Variants in SLC4A4 observed in about 807,000 individuals in gnomAD.
SLC4A4 encodes the protein electrogenic sodium bicarbonate cotransporter 1.
In SLC4A4, 27 loss-of-function variants were observed where a neutral mutation model predicts 111.5. The observed-to-expected ratio is 0.24, with a 90% CI of 0.18 to 0.33. The LOEUF (loss-of-function observed/expected upper bound fraction) is 0.33. Among genes scored for constraint, SLC4A4 ranks in the 10% least tolerant of loss-of-function variants. The pLI is 1.00. For synonymous variants in SLC4A4, 443 were observed against 463.4 expected, an observed-to-expected ratio of 0.96 and a Z score of 0.57; for missense variants, 909 against 1,315.5, an observed-to-expected ratio of 0.69 and a Z score of 4.78.
intron 6 of SLC4A4, among the ~76,000 whole-genome samples, chr4:71,382,440 A>C (rs946845043): frequency 1.3e-5 from 2 of 152,214 alleles, no homozygotes; most frequent in African/African-American, 4.8e-5. Context: ...GAAGCTATAC[A>C]TATTTAAGTG....
At chr4:71,209,646 T>C (rs2149010739) in intron 1 of SLC4A4, among the ~76,000 whole-genome samples, 1 of 152,322 alleles carries the variant, frequency 6.6e-6, no homozygotes, top group Middle Eastern at 3.4e-3. Flanking sequence ...TCAATTGGAC[T>C]CAAATTGCTC....
rs138140477 is a variant in SLC4A4 at position 71,108,878 on chromosome 4, T to C, written c.-2+16086T>C. Among the ~76,000 whole-genome samples the C allele has an allele frequency of 7.4e-3, 1,132 of 152,288 alleles. 7 individuals carry two copies. The highest frequency in any genetic ancestry group is 0.015 in the Admixed American group (233 of 15,292). The stretch of plus-strand genomic sequence containing the variant: ...TTATTGGTATTTCAATCTGTTCAGA[T>C]ATTGTTTTCTTGAATTTCTCCATGT... On this transcript the variant is annotated intron_variant, in intron 2 of 26. Coordinates refer to the SLC4A4 transcript ENST00000649996.
At chr4:71,192,911 A>C (rs901883064) in intron 1 of SLC4A4, among the ~76,000 whole-genome samples, 5 of 152,026 alleles carry the variant, frequency 3.3e-5, no homozygotes, top group Non-Finnish European at 7.4e-5. Context: ...GGTTACTTTC[A>C]CCTCTCATTG....
At chr4:71,169,153 G>A (rs1230650037) in intron 2 of SLC4A4, among the ~76,000 whole-genome samples, 1 of 151,838 alleles carries the variant, frequency 6.6e-6, no homozygotes, top group African/African-American at 2.4e-5. Context: ...GGGATTACAG[G>A]CATGTGCCAC....
intron 18 of SLC4A4, among the ~76,000 whole-genome samples, chr4:71,539,864 T>G (rs1214167812): frequency 6.6e-6 from 1 of 152,160 alleles, no homozygotes; most frequent in Non-Finnish European, 1.5e-5. Context: ...TTTATTCTCT[T>G]TGGCCCACAT....
intron 3 of SLC4A4, among the ~76,000 whole-genome samples, chr4:71,320,103 T>C (rs924292733): frequency 2.6e-5 from 4 of 151,992 alleles, no homozygotes; most frequent in African/African-American, 9.7e-5. Context: ...TTATGTGAAT[T>C]CTCCTAAAAC....
In SLC4A4 at chr4:71,366,505, C is replaced by T. The variant is rs376854120; in HGVS notation, c.730+9318C>T. Among the ~76,000 whole-genome samples the T allele has an allele frequency of 2.0e-5, 3 of 152,060 alleles. No homozygotes were observed. In the East Asian group the frequency reaches 5.8e-4, roughly 29 times the overall value. ...TTTCTACAGTCTAAATATTGGATAC[C>T]ATCACTCAAAAGCCTTCGGAGCTAT... On this transcript the variant is annotated intron_variant, in intron 6 of 25. Transcript: ENST00000264485.
rs761331086 is a variant in SLC4A4, at chr4:71,311,890, T to TGAGAGAGAGAGAGAGAGAGA, written c.254-27455_254-27436dup. Reference sequence around the variant, plus strand: ...GAGCCTGAGCAAATGTGCAAGGCTGTGAGAGAGAGAGAGAGAGAGAGAGAG... The same window carrying TGAGAGAGAGAGAGAGAGAGA: ...GAGCCTGAGCAAATGTGCAAGGCTGTGAGAGAGAGAGAGAGAGAGAGAGAGAGAGAGAGAGAGAGAGAGAG... On this transcript the variant is annotated intron_variant, in intron 3 of 25. Transcript: ENST00000264485. 3.4e-4 allele frequency among the ~76,000 whole-genome samples: 26 copies of TGAGAGAGAGAGAGAGAGAGA among 76,596 alleles called. 3 individuals carry two copies. Among genetic ancestry groups the TGAGAGAGAGAGAGAGAGAGA allele is most frequent in the African/African-American group, 7.5e-4 (16 of 21,300 alleles). 50.2% of individuals were successfully genotyped at this position (76,596 alleles called of 152,430 possible).
At chr4:71,340,057 A>T (rs1728765879) in intron 4 of SLC4A4, among the ~76,000 whole-genome samples, 1 of 151,902 alleles carries the variant, frequency 6.6e-6, no homozygotes, top group South Asian at 2.1e-4. Context: ...TCTCTACAAA[A>T]AAAAAAAGAA....
At position 71,190,244 on chromosome 4, in the gene SLC4A4, G is replaced by A. The variant is rs80316987; in HGVS notation, c.-2+2843G>A. ...CTCCCAATATATAAACTCTTGATAC[G>A]TTTGGGTCACAAAAATGGAAAATAT... On this transcript the variant is annotated intron_variant, in intron 1 of 25. Transcript: ENST00000264485. Among the ~76,000 whole-genome samples, 588 of 152,198 alleles carry A rather than the reference G, an allele frequency of 3.9e-3. 5 individuals carry two copies. The highest frequency in any genetic ancestry group is 0.013 in the African/African-American group (559 of 41,526).
chr4:71,179,228 A>G (rs1247030948), intron 2 of SLC4A4, among the ~76,000 whole-genome samples: 1 of 152,188 alleles, frequency 6.6e-6, no homozygotes, highest in Middle Eastern at 3.2e-3. Flanking sequence ...GCTATCTATG[A>G]CAAACCCACA....
chr4:71,311,890 TGAGAGA>T lies in SLC4A4; in HGVS notation c.254-27441_254-27436del, dbSNP rs761331086. 2.7e-3 allele frequency among the ~76,000 whole-genome samples: 210 copies of T among 76,606 alleles called. 2 individuals are homozygous for T. The Middle Eastern group carries it at 0.043, about 16-fold the overall frequency. The allele number at this position is 76,606 out of a possible 152,430, so 50.3% of individuals were successfully genotyped here. On this transcript the variant is annotated intron_variant, in intron 3 of 25. Coordinates refer to ENST00000264485, the MANE Select transcript of SLC4A4 (RefSeq NM_001098484.3). ...GAGCCTGAGCAAATGTGCAAGGCTG[TGAGAGA>T]GAGAGAGAGAGAGAGAGAGAGAGAG...
intron 2 of SLC4A4, among the ~76,000 whole-genome samples, chr4:71,246,210 A>C (rs770917798): frequency 9.9e-4 from 151 of 152,342 alleles, no homozygotes; most frequent in Non-Finnish European, 1.9e-3. Context: ...TTAGAACTAG[A>C]AAGGATCTTA....
chr4:71,223,296 C>G (rs1488484015), intron 1 of SLC4A4, among the ~76,000 whole-genome samples: 2 of 152,014 alleles, frequency 1.3e-5, no homozygotes, highest in Non-Finnish European at 2.9e-5. Context: ...CTGCCTCAGC[C>G]TCCCGGGTAG....
At chr4:71,188,205 A>G (rs1182391343) in intron 1 of SLC4A4, among the ~76,000 whole-genome samples, 3 of 152,222 alleles carry the variant, frequency 2.0e-5, no homozygotes, top group Non-Finnish European at 4.4e-5. Flanking sequence ...AAGCACCATA[A>G]AGACAAAAGT....
chr4:71,091,055 C>G (rs963095996), intron 1 of SLC4A4, among the ~76,000 whole-genome samples: 1 of 152,176 alleles, frequency 6.6e-6, no homozygotes, highest in African/African-American at 2.4e-5. Context: ...TCAAGTGATT[C>G]TCCTGCCTCA....
At chr4:71,510,125 G>T (rs555366339) in intron 16 of SLC4A4, among the ~76,000 whole-genome samples, 1 of 152,246 alleles carries the variant, frequency 6.6e-6, no homozygotes, top group African/African-American at 2.4e-5. Context: ...CTCTCCTGTA[G>T]CAAGGACTTC....
chr4:71,542,729 C>T (rs1431774831), intron 18 of SLC4A4, among the ~76,000 whole-genome samples: 1 of 151,978 alleles, frequency 6.6e-6, no homozygotes, highest in Non-Finnish European at 1.5e-5. Context: ...TTCTTAGCAC[C>T]CTGAATTCAC....
chr4:71,220,072 T>C (rs1048045493), intron 1 of SLC4A4, among the ~76,000 whole-genome samples: 10 of 152,206 alleles, frequency 6.6e-5, no homozygotes, highest in African/African-American at 2.4e-4. Flanking sequence ...TTTGAGAGGA[T>C]TGACTCCAAT....
Sources: gnomAD v4.1 joint callset for allele counts (sites outside exome capture counted in the v4.1 genomes callset) on GRCh38, gnomAD v4.1.1 for gene constraint, MANE v1.5 for transcripts, NCBI Gene and HGNC (gene_info 2026-07-23, HGNC 2026-07-21) for gene names.